The following CBX1 variants were observed in gnomAD, a reference collection of about 807,000 sequenced individuals.
CBX1 encodes the protein chromobox 1.
Under a neutral mutation model 25.1 loss-of-function variants are expected in CBX1, and 10 were observed. The observed-to-expected ratio is 0.40, with a 90% confidence interval of 0.25 to 0.68. The LOEUF (loss-of-function observed/expected upper bound fraction) is 0.68, where lower values mean the gene tolerates loss of function less well. Ranked by LOEUF, CBX1 falls within the 30% of genes least tolerant of loss-of-function variation. The pLI, the probability that CBX1 is intolerant of heterozygous loss-of-function variation, is 0.40. For missense variants in CBX1, 106 were observed against 218.5 expected (o/e 0.49, Z 3.25); for synonymous variants, 63 against 79.4 (o/e 0.79, Z 1.10).
At chr17:48,098,603 T>C (rs1172771028) in intron 1 of CBX1, among the ~76,000 whole-genome samples, 1 of 152,168 alleles carries the variant, frequency 6.6e-6, no homozygotes, top group Non-Finnish European at 1.5e-5. Context: ...GTTCAAACGA[T>C]TCTCCTGCCT....
At chr17:48,094,687 T>G (rs2144468842) in intron 1 of CBX1, among the ~76,000 whole-genome samples, 1 of 149,436 alleles carries the variant, frequency 6.7e-6, no homozygotes, top group South Asian at 2.1e-4. Context: ...TGAGCTGAGA[T>G]CGCGCCACTG....
chr17:48,089,881 T>C (rs1035967558), intron 1 of CBX1, among the ~76,000 whole-genome samples: 1 of 151,872 alleles, frequency 6.6e-6, no homozygotes, highest in Admixed American at 6.6e-5. Context: ...AGAAAGGAAG[T>C]AAATTCTGGA....
chr17:48,079,447 T>TA (rs1241335515), intron 1 of CBX1, among the ~76,000 whole-genome samples: 2 of 152,232 alleles, frequency 1.3e-5, no homozygotes, highest in Non-Finnish European at 2.9e-5. Flanking sequence ...GAATTGAACT[T>TA]ACGATTCACA....
At chr17:48,090,246 C>A (rs938082932) in intron 1 of CBX1, among the ~76,000 whole-genome samples, 1 of 152,090 alleles carries the variant, frequency 6.6e-6, no homozygotes, top group Non-Finnish European at 1.5e-5. Context: ...TATGTAAGTA[C>A]AAAAATCAGT....
chr17:48,086,915 C>T lies in CBX1; in HGVS notation c.-37-9874G>A, dbSNP rs914611461. 6.3e-4 allele frequency among the ~76,000 whole-genome samples: 96 copies of T among 151,994 alleles called. 4 individuals are homozygous for T. Among genetic ancestry groups the T allele is most frequent in the Non-Finnish European group, 1.5e-5 (1 of 67,994 alleles). On this transcript the variant is annotated intron_variant, in intron 1 of 4. Coordinates refer to ENST00000225603, the MANE Select transcript of CBX1 (RefSeq NM_001127228.2). Reference sequence around the variant, plus strand: ...CAATAAATAAACAAAAATGGCCGGGCGCGGTGGCTCACGCCTGTAATTCCA... The same window carrying T: ...CAATAAATAAACAAAAATGGCCGGGTGCGGTGGCTCACGCCTGTAATTCCA...
intron 1 of CBX1, among the ~76,000 whole-genome samples, chr17:48,087,872 CAAAAAAAAA>C (rs531431865): frequency 3.4e-5 from 3 of 89,496 alleles, no homozygotes; most frequent in Non-Finnish European, 6.5e-5. Flanking sequence ...GACTCAGTCT[CAAAAAAAAA>C]AAAAAAAAAG....
chr17:48,100,959 C>T (rs2063406253), intron 1 of CBX1: 3 of 986,308 alleles, frequency 3.0e-6, no homozygotes, highest in Admixed American at 6.2e-5. Context: ...AGCCGCCCAG[C>T]CAAGCAACAT....
intron 1 of CBX1, among the ~76,000 whole-genome samples, chr17:48,078,642 A>AT (rs1173629577): frequency 1.3e-5 from 2 of 150,466 alleles, no homozygotes; most frequent in African/African-American, 4.9e-5. Flanking sequence ...GGTGCCCGCC[A>AT]TTACGCCTGG....
chr17:48,098,271 A>ACAAG (rs1270515420), intron 1 of CBX1, among the ~76,000 whole-genome samples: 2 of 151,270 alleles, frequency 1.3e-5, no homozygotes, highest in Non-Finnish European at 2.9e-5. Context: ...AAACAAACAA[A>ACAAG]CAAACAAACA....
intron 1 of CBX1, among the ~76,000 whole-genome samples, chr17:48,089,239 T>TAC (rs1321616421): frequency 2.6e-5 from 4 of 151,246 alleles, no homozygotes; most frequent in Admixed American, 1.3e-4. Flanking sequence ...TAGCTGGGAC[T>TAC]ACATGTGCCT....
At position 48,075,081 on chromosome 17, in the gene CBX1, A is replaced by G; in HGVS notation, c.338T>C (p.Phe113Ser). Reference protein sequence around the residue: ...KKEESEKPRGFARGLEPERII... With the variant: ...KKEESEKPRGSARGLEPERII... ...CCGCTCCGGCTCCAAACCTCGAGCA[A>G]AGCCTCGTGGCTTTTCTGACTGTAA... The change falls in exon 4 of 5, where the codon TTT (phenylalanine) becomes TCT (serine). Residue 113 changes from phenylalanine (F) to serine (S), a missense_variant. Physicochemically the swap from Phe to Ser is radical, Grantham distance 155 (BLOSUM62 -2). This residue lies in a region of CBX1 where 71 missense variants were observed against 144.1 expected (regional missense o/e 0.49). Coordinates refer to ENST00000225603, the MANE Select transcript of CBX1 (RefSeq NM_001127228.2). The G allele has an allele frequency of 6.2e-7, 1 of 1,613,940 alleles. No individual in the cohort carries two copies. The highest frequency in any genetic ancestry group is 8.5e-7 in the Non-Finnish European group (1 of 1,179,772).
intron 1 of CBX1, among the ~76,000 whole-genome samples, chr17:48,089,865 G>C (rs1457972027): frequency 6.6e-6 from 1 of 151,510 alleles, no homozygotes; most frequent in African/African-American, 2.4e-5. Context: ...ACCTTCCAAG[G>C]AGTAAAGAAA....
intron 1 of CBX1, among the ~76,000 whole-genome samples, chr17:48,092,114 C>T (rs1271885187): frequency 1.3e-5 from 2 of 149,718 alleles, no homozygotes; most frequent in Non-Finnish European, 3.0e-5. Flanking sequence ...CCTCAACCTC[C>T]CGAGTGGCTG....
Position 48,093,287 on chromosome 17 carries a change from A to T in CBX1, c.-38+7981T>A, listed in dbSNP as rs1030658331. On this transcript the variant is annotated intron_variant, in intron 1 of 4. Coordinates refer to ENST00000225603, the MANE Select transcript of CBX1 (RefSeq NM_001127228.2). ...GAGACTCTGTCTCAAAAATAAAATT[A>T]AAAAAAAAAAAAAAAGACACAGAAG... 2.3e-4 allele frequency among the ~76,000 whole-genome samples: 32 copies of T among 138,032 alleles called. 1 individual carries two copies. Among genetic ancestry groups the T allele is most frequent in the East Asian group, 4.1e-4 (2 of 4,864 alleles). 90.6% of individuals were successfully genotyped at this position (138,032 alleles called of 152,430 possible).
chr17:48,092,955 A>G (rs755783800), intron 1 of CBX1, among the ~76,000 whole-genome samples: 5 of 151,778 alleles, frequency 3.3e-5, no homozygotes, highest in Non-Finnish European at 5.9e-5. Context: ...CTGTAATCCC[A>G]GCTACTCGGG....
Position 48,077,142 on chromosome 17 carries a change from T to C in CBX1, c.-37-101A>G, listed in dbSNP as rs190659717. The C allele has an allele frequency of 1.8e-4, 161 of 882,224 alleles. 1 individual carries two copies. The South Asian group carries it at 2.4e-3, about 13-fold the overall frequency. The allele number at this position is 882,224 out of a possible 1,614,324, so 54.6% of individuals were successfully genotyped here. A position where few individuals can be genotyped will look rare whatever the true frequency, so the allele number is the denominator to read the frequency against. On this transcript the variant is annotated intron_variant, in intron 1 of 4. Coordinates refer to ENST00000225603, the MANE Select transcript of CBX1 (RefSeq NM_001127228.2). Reference sequence around the variant, plus strand: ...ACCAGGGACATGACAGGTGATAATATTGTATGCTGCTTATAGTAAGTGTTA... The same window carrying C: ...ACCAGGGACATGACAGGTGATAATACTGTATGCTGCTTATAGTAAGTGTTA...
At chr17:48,085,024 C>G (rs899653877) in intron 1 of CBX1, among the ~76,000 whole-genome samples, 18 of 152,182 alleles carry the variant, frequency 1.2e-4, no homozygotes, top group African/African-American at 4.3e-4. Context: ...ACTCAAACCT[C>G]AGTTTGAGAT....
intron 1 of CBX1, among the ~76,000 whole-genome samples, chr17:48,097,521 G>A (rs1032484160): frequency 6.0e-5 from 9 of 151,172 alleles, no homozygotes; most frequent in African/African-American, 1.7e-4. Flanking sequence ...GGAGGCTGAA[G>A]CAGGAGGATC....
At chr17:48,077,458 T>TG (rs1262410427) in intron 1 of CBX1, among the ~76,000 whole-genome samples, 1 of 144,642 alleles carries the variant, frequency 6.9e-6, no homozygotes, top group African/African-American at 2.6e-5. Flanking sequence ...TTTTTTGTTT[T>TG]TTTTTTTTTA....
Sources: allele counts gnomAD v4.1 joint callset (sites outside exome capture counted in the v4.1 genomes callset), GRCh38; gene constraint gnomAD v4.1.1; regional missense constraint gnomAD v4.1.1; transcripts MANE v1.5; gene names NCBI Gene and HGNC (gene_info 2026-07-23, HGNC 2026-07-21).